Variants in MSH3 observed in about 807,000 individuals in gnomAD.
The protein encoded by MSH3 is DNA mismatch repair protein Msh3.
MSH3 carries 106 observed loss-of-function variants against 123.3 expected under a neutral mutation model. That is an observed-to-expected ratio of 0.86 (90% confidence interval 0.73 to 1.01). The LOEUF is 1.01. MSH3 is among the 50% of genes least tolerant of loss of function. The pLI, the probability that MSH3 is intolerant of heterozygous loss-of-function variation, is 0.00. For synonymous variants in MSH3, 515 were observed against 481.4 expected, an observed-to-expected ratio of 1.07 and a Z score of -0.91; for missense variants, 1,459 against 1,347.6, an observed-to-expected ratio of 1.08 and a Z score of -1.29.
At chr5:80,859,712 CTTTT>C (rs373044585) in intron 21 of MSH3, among the ~76,000 whole-genome samples, 19 of 130,146 alleles carry the variant, frequency 1.5e-4, no homozygotes, top group Middle Eastern at 4.0e-3. Context: ...CATTTTCTCT[CTTTT>C]TTTTTTTTTT....
At chr5:80,751,845 C>G (rs1307299570) in intron 12 of MSH3, among the ~76,000 whole-genome samples, 1 of 152,100 alleles carries the variant, frequency 6.6e-6, no homozygotes, top group African/African-American at 2.4e-5. Flanking sequence ...CCCATTATTT[C>G]CAGATTTTCT....
At chr5:80,823,614 A>G (rs949983825) in intron 20 of MSH3, among the ~76,000 whole-genome samples, 3 of 88,724 alleles carry the variant, frequency 3.4e-5, no homozygotes, top group African/African-American at 1.3e-4. Flanking sequence ...TCTTCAGTGC[A>G]CATTAAATTT....
intron 10 of MSH3, among the ~76,000 whole-genome samples, chr5:80,729,466 A>ATG (rs1743372071): frequency 8.9e-6 from 1 of 112,736 alleles, no homozygotes; most frequent in Admixed American, 9.7e-5. Context: ...GTGTGTATAT[A>ATG]TATATATATA....
At chr5:80,813,511 C>A in intron 19 of MSH3, 73 bp from the exon 20 acceptor site, 1 of 1,479,428 alleles carries the variant, frequency 6.8e-7, no homozygotes, top group Non-Finnish European at 9.4e-7. Flanking sequence ...TGCATTTCCA[C>A]TTATGAGATA....
chr5:80,823,931 A>G (rs2112069368), intron 20 of MSH3, among the ~76,000 whole-genome samples: 1 of 152,290 alleles, frequency 6.6e-6, no homozygotes, highest in Non-Finnish European at 1.5e-5. Context: ...GCATCTGTTT[A>G]ACAAAGCACA....
intron 2 of MSH3, among the ~76,000 whole-genome samples, chr5:80,658,035 CT>C (rs745931950): frequency 2.5e-4 from 22 of 87,200 alleles, no homozygotes; most frequent in East Asian, 5.1e-4. Context: ...GCTTTTTGCC[CT>C]CTTTTTTTTT....
rs191750354 is a variant in MSH3 at position 80,822,570 on chromosome 5, G to A, written c.2813+8829G>A. On this transcript the variant is annotated intron_variant, in intron 20 of 23. Transcript: ENST00000265081. ...ATAAAACAAAAAGTTCGATAATACC[G>A]ACTTCACAAGGTTGATTTGAGAATA... Among the ~76,000 whole-genome samples the A allele has an allele frequency of 2.3e-3, 353 of 152,258 alleles. 5 individuals carry two copies. The South Asian group carries it at 0.043, about 18-fold the overall frequency.
chr5:80,833,134 C>T (rs956991946), intron 20 of MSH3, among the ~76,000 whole-genome samples: 11 of 152,026 alleles, frequency 7.2e-5, no homozygotes, highest in African/African-American at 2.4e-4. Context: ...GGGTTATAGG[C>T]GAGGAGGGGA....
chr5:80,813,563 A>T, intron 19 of MSH3, 21 bp from the exon 20 acceptor site: 1 of 1,613,942 alleles, frequency 6.2e-7, no homozygotes, highest in Non-Finnish European at 8.5e-7. Context: ...ACAATAAGTG[A>T]AATTCCTTTC....
chr5:80,657,493 C>G (rs1749319126), intron 2 of MSH3, among the ~76,000 whole-genome samples: 1 of 152,038 alleles, frequency 6.6e-6, no homozygotes, highest in Admixed American at 6.6e-5. Context: ...ACCCAGCCTG[C>G]CTGAGTGCCT....
intron 8 of MSH3, among the ~76,000 whole-genome samples, chr5:80,691,911 A>G (rs111434006): frequency 0.012 from 1,035 of 83,514 alleles, 66 homozygotes; most frequent in Middle Eastern, 0.027. Flanking sequence ...ATAGATAAAC[A>G]TGTATATGTT....
At chr5:80,765,153 A>G (rs1744101994) in intron 13 of MSH3, among the ~76,000 whole-genome samples, 1 of 152,242 alleles carries the variant, frequency 6.6e-6, no homozygotes, top group South Asian at 2.1e-4. Context: ...ACATGATTGT[A>G]AAGCACTACT....
rs751761357 is a variant in MSH3, at chr5:80,654,933, C to CCCCAG, written c.207_208insCCAGC (p.Ala70ProfsTer12). ...GCAGCGCCCCCAGCGCCCCCAGCTC[C>CCCCAG]CGCCTTCCCGCCCCAGCTGCCGCCG... On this transcript the variant is annotated frameshift_variant, in exon 1 of 24. Transcript: ENST00000265081. LOFTEE classifies it high-confidence loss of function. The CCCCAG allele has an allele frequency of 4.0e-6, 6 of 1,503,714 alleles. No homozygotes were observed. In the Admixed American group the frequency reaches 7.4e-5, roughly 18 times the overall value. The allele number at this position is 1,503,714 out of a possible 1,614,324, so 93.1% of individuals were successfully genotyped here.
At position 80,864,954 on chromosome 5, in the gene MSH3, TC is replaced by T. The variant is rs1746075648; in HGVS notation, c.3130+14del. 6.2e-7 allele frequency: 1 copy of T among 1,613,330 alleles called. No individual in the cohort carries two copies. The highest frequency in any genetic ancestry group is 8.5e-7 in the Non-Finnish European group (1 of 1,179,338). On this transcript the variant is annotated intron_variant, in intron 22 of 23. Transcript: ENST00000265081. Reference sequence around the variant, plus strand: ...CAAACTGGATCCAGGTATGAAATATTCCTGCAGTTGGTACAAATATTGGTTT... The same window carrying T: ...CAAACTGGATCCAGGTATGAAATATTCTGCAGTTGGTACAAATATTGGTTT...
chr5:80,840,872 T>C (rs1580082914), intron 20 of MSH3, among the ~76,000 whole-genome samples: 2 of 150,680 alleles, frequency 1.3e-5, no homozygotes, highest in South Asian at 2.1e-4. Flanking sequence ...CCATGGTGTA[T>C]GTGTGCCACA....
chr5:80,793,595 AGG>A (rs1744645706), intron 19 of MSH3, among the ~76,000 whole-genome samples: 1 of 152,266 alleles, frequency 6.6e-6, no homozygotes, highest in African/African-American at 2.4e-5. Context: ...AAGGTATTGA[AGG>A]GGAGTATTCC....
chr5:80,709,407 G>C (rs1298477998), intron 8 of MSH3, among the ~76,000 whole-genome samples: 2 of 152,144 alleles, frequency 1.3e-5, no homozygotes, highest in African/African-American at 4.8e-5. Flanking sequence ...CGGATCACGA[G>C]GTCAGGAGAT....
intron 8 of MSH3, among the ~76,000 whole-genome samples, chr5:80,708,469 T>TA (rs1021812822): frequency 8.5e-5 from 13 of 152,118 alleles, no homozygotes; most frequent in African/African-American, 2.4e-4. Flanking sequence ...TTTATTTATT[T>TA]TTTTTAGAGA....
At chr5:80,780,647 A>G (rs1418958691) in intron 17 of MSH3, among the ~76,000 whole-genome samples, 1 of 152,194 alleles carries the variant, frequency 6.6e-6, no homozygotes, top group African/African-American at 2.4e-5. Flanking sequence ...TGGGCAGATC[A>G]CTTGAGGCCA....
Sources: gnomAD v4.1 joint callset for allele counts (sites outside exome capture counted in the v4.1 genomes callset) on GRCh38, gnomAD v4.1.1 for gene constraint, MANE v1.5 for transcripts, NCBI Gene and HGNC (gene_info 2026-07-23, HGNC 2026-07-21) for gene names.